Variants in DIAPH3 observed in about 807,000 individuals in gnomAD.
DIAPH3 encodes protein diaphanous homolog 3.
A neutral mutation model predicts 144.3 loss-of-function variants in DIAPH3; 117 were observed. That is an observed-to-expected ratio of 0.81 (90% CI 0.70 to 0.95). DIAPH3 has a LOEUF of 0.95. Among genes scored for constraint, DIAPH3 ranks in the 40% least tolerant of loss-of-function variants. DIAPH3 has a pLI of 0.00. For synonymous variants in DIAPH3, 519 were observed against 488.9 expected (o/e 1.06, Z -0.81); for missense variants, 1,421 against 1,412.7 (o/e 1.01, Z -0.09).
intron 24 of DIAPH3, among the ~76,000 whole-genome samples, chr13:59,823,070 G>A (rs991473252): frequency 1.3e-5 from 2 of 151,912 alleles, no homozygotes; most frequent in Non-Finnish European, 2.9e-5. Flanking sequence ...CTTTTGCTAC[G>A]TTATTTCAGG....
At chr13:60,151,522 G>A (rs1437851085) in intron 1 of DIAPH3, among the ~76,000 whole-genome samples, 4 of 152,164 alleles carry the variant, frequency 2.6e-5, no homozygotes, top group African/African-American at 9.7e-5. Flanking sequence ...AAAAAGAAAT[G>A]AGTAATTATT....
At chr13:60,073,672 T>A (rs1390479602) in intron 4 of DIAPH3, among the ~76,000 whole-genome samples, 11 of 152,198 alleles carry the variant, frequency 7.2e-5, no homozygotes, top group Non-Finnish European at 1.6e-4. Flanking sequence ...AAATGCTTAA[T>A]AAACACTATT....
chr13:59,712,249 C>T (rs1267016115), intron 27 of DIAPH3, among the ~76,000 whole-genome samples: 1 of 152,172 alleles, frequency 6.6e-6, no homozygotes, highest in Non-Finnish European at 1.5e-5. Context: ...TCCTGAACAA[C>T]CTTCTAGTTC....
chr13:59,824,330 T>C (rs537585261), intron 24 of DIAPH3, among the ~76,000 whole-genome samples: 2 of 152,288 alleles, frequency 1.3e-5, no homozygotes, highest in African/African-American at 4.8e-5. Flanking sequence ...GCTGTTATTA[T>C]CAGAAAACTG....
chr13:59,806,269 A>G (rs1263424316), intron 25 of DIAPH3, among the ~76,000 whole-genome samples: 1 of 152,036 alleles, frequency 6.6e-6, no homozygotes, highest in Non-Finnish European at 1.5e-5. Flanking sequence ...AGTCGGGCTA[A>G]AAATTTCTAC....
At chr13:60,153,736 GT>G (rs1951902563) in intron 1 of DIAPH3, among the ~76,000 whole-genome samples, 1 of 151,972 alleles carries the variant, frequency 6.6e-6, no homozygotes, top group Non-Finnish European at 1.5e-5. Context: ...ATCTGTTTTA[GT>G]TTTATAGCTG....
chr13:59,948,855 AGG>A (rs1292982016), intron 17 of DIAPH3, among the ~76,000 whole-genome samples: 1 of 131,186 alleles, frequency 7.6e-6, no homozygotes, highest in Non-Finnish European at 1.7e-5. Flanking sequence ...GAAGGAAGGA[AGG>A]AAGGAAGGAA....
chr13:59,891,599 A>C (rs2045802268), intron 20 of DIAPH3, among the ~76,000 whole-genome samples: 1 of 152,092 alleles, frequency 6.6e-6, no homozygotes, highest in South Asian at 2.1e-4. Flanking sequence ...ACTTTGAATT[A>C]GCCATCAATT....
At position 60,030,242 on chromosome 13, in the gene DIAPH3, T is replaced by C. The variant is rs1303519293; in HGVS notation, c.626+12448A>G. ...TTCTCTTTTACTGTGGTACCTAGCA[T>C]AGCCCTTGGAATACTTGTTGCATAT... is the stretch of plus-strand genomic sequence containing the variant. On this transcript the variant is annotated intron_variant, in intron 5 of 27. Coordinates refer to ENST00000400324, the MANE Select transcript of DIAPH3 (RefSeq NM_001042517.2). Among the ~76,000 whole-genome samples the C allele has an allele frequency of 2.6e-5, 4 of 152,220 alleles. No homozygotes were observed. In the South Asian group the frequency reaches 8.3e-4, roughly 32 times the overall value.
chr13:59,895,239 G>C (rs1047063481), intron 20 of DIAPH3, among the ~76,000 whole-genome samples: 3 of 152,016 alleles, frequency 2.0e-5, no homozygotes, highest in Admixed American at 2.0e-4. Context: ...GGTGATGCTG[G>C]TGGCATATAA....
intron 21 of DIAPH3, among the ~76,000 whole-genome samples, chr13:59,870,177 T>A (rs1044199589): frequency 6.6e-6 from 1 of 151,942 alleles, no homozygotes; most frequent in African/African-American, 2.4e-5. Context: ...TTTTTTTTTT[T>A]TAAATGTAGA....
chr13:59,802,587 G>T (rs1455280767), intron 25 of DIAPH3, among the ~76,000 whole-genome samples: 7 of 125,536 alleles, frequency 5.6e-5, no homozygotes, highest in East Asian at 2.3e-4. Context: ...TTACTTCATG[G>T]TTTTTTTTTA....
At chr13:59,691,322 TG>T (rs1044682964) in intron 27 of DIAPH3, among the ~76,000 whole-genome samples, 2 of 152,166 alleles carry the variant, frequency 1.3e-5, no homozygotes, top group Admixed American at 1.3e-4. Flanking sequence ...TCATTAGTCT[TG>T]TTTTTTATCC....
intron 25 of DIAPH3, among the ~76,000 whole-genome samples, chr13:59,782,940 G>A (rs1003175323): frequency 2.0e-5 from 3 of 152,126 alleles, no homozygotes; most frequent in African/African-American, 7.2e-5. Context: ...GTAACGCTGC[G>A]AGGTGAAGGT....
chr13:59,862,243 G>T (rs2043637736), intron 21 of DIAPH3, among the ~76,000 whole-genome samples: 1 of 152,076 alleles, frequency 6.6e-6, no homozygotes, highest in Admixed American at 6.6e-5. Flanking sequence ...TAGGGACATG[G>T]CAAAGATATA....
chr13:59,746,382 C>A (rs1187527549), intron 27 of DIAPH3, among the ~76,000 whole-genome samples: 4 of 140,704 alleles, frequency 2.8e-5, no homozygotes, highest in Non-Finnish European at 6.2e-5. Context: ...CGCCACCATA[C>A]CCAGCTAATT....
intron 27 of DIAPH3, among the ~76,000 whole-genome samples, chr13:59,769,865 G>C (rs1195622528): frequency 6.6e-6 from 1 of 151,910 alleles, no homozygotes; most frequent in Non-Finnish European, 1.5e-5. Flanking sequence ...TAATTATCTT[G>C]ATTTAAAAGA....
intron 22 of DIAPH3, among the ~76,000 whole-genome samples, chr13:59,858,190 A>G (rs1171824528): frequency 6.6e-6 from 1 of 152,152 alleles, no homozygotes; most frequent in East Asian, 1.9e-4. Context: ...AGAAAAGAAG[A>G]GAAGGGTTCA....
chr13:60,093,858 G>A (rs1292469140), intron 3 of DIAPH3, 126 bp from the exon 4 acceptor site: 7 of 689,738 alleles, frequency 1.0e-5, no homozygotes, highest in Non-Finnish European at 1.8e-5. Context: ...AATGATTTAC[G>A]TGTAGTTCTG....
Sources: allele counts gnomAD v4.1 joint callset (sites outside exome capture counted in the v4.1 genomes callset), GRCh38; gene constraint gnomAD v4.1.1; transcripts MANE v1.5; gene names NCBI Gene and HGNC (gene_info 2026-07-23, HGNC 2026-07-21).